The following TCF7L1 variants were observed in gnomAD, a reference collection of about 807,000 sequenced individuals.
TCF7L1 encodes the protein transcription factor 7 like 1.
In TCF7L1, 18 loss-of-function variants were observed where a neutral mutation model predicts 63.7. That is an observed-to-expected ratio of 0.28 (90% CI 0.20 to 0.42). The LOEUF is 0.42. Ranked by LOEUF, TCF7L1 falls within the 10% of genes least tolerant of loss-of-function variation. The pLI is 1.00. For missense variants in TCF7L1, 654 were observed against 779.3 expected (o/e 0.84, Z 1.91); for synonymous variants, 355 against 340.9 (o/e 1.04, Z -0.46).
chr2:85,252,874 T>C (rs557022507), intron 3 of TCF7L1, among the ~76,000 whole-genome samples: 24 of 152,260 alleles, frequency 1.6e-4, no homozygotes, highest in Admixed American at 1.3e-3. Flanking sequence ...GGATGGCAGC[T>C]CAAGGAAACA....
chr2:85,232,142 G>A (rs1680094224), intron 3 of TCF7L1, among the ~76,000 whole-genome samples: 1 of 152,184 alleles, frequency 6.6e-6, no homozygotes, highest in Non-Finnish European at 1.5e-5. Context: ...GGTCAGGGCT[G>A]AGTAGCTGCC....
intron 3 of TCF7L1, among the ~76,000 whole-genome samples, chr2:85,197,277 G>A (rs1287239027): frequency 2.0e-5 from 3 of 152,182 alleles, no homozygotes; most frequent in Non-Finnish European, 2.9e-5. Context: ...CAGGTGCGGT[G>A]GCAAACGCCT....
At chr2:85,308,973 GCCT>G in intron 11 of TCF7L1, 53 bp from the exon 12 acceptor site, 2 of 1,520,132 alleles carry the variant, frequency 1.3e-6, no homozygotes, top group Non-Finnish European at 8.8e-7. Context: ...CTGTTCCTCA[GCCT>G]CCTCCTCTCA....
intron 3 of TCF7L1, among the ~76,000 whole-genome samples, chr2:85,149,318 C>CAT (rs1677952934): frequency 1.1e-5 from 1 of 90,668 alleles, no homozygotes; most frequent in African/African-American, 4.2e-5. Flanking sequence ...TGTATATACA[C>CAT]ATATACACAT....
intron 3 of TCF7L1, among the ~76,000 whole-genome samples, chr2:85,162,182 G>C (rs6547596): frequency 0.099 from 15,079 of 152,040 alleles, 1,312 homozygotes; most frequent in African/African-American, 0.24. Flanking sequence ...CTGCAGTGAA[G>C]TATGATTACG....
At chr2:85,239,697 C>T (rs1680279685) in intron 3 of TCF7L1, among the ~76,000 whole-genome samples, 1 of 151,974 alleles carries the variant, frequency 6.6e-6, no homozygotes, top group Non-Finnish European at 1.5e-5. Flanking sequence ...AATCCAGGCA[C>T]CTTGGGAGGC....
intron 10 of TCF7L1, 44 bp from the exon 11 acceptor site, chr2:85,307,598 T>C (rs751530431): frequency 6.4e-7 from 1 of 1,569,374 alleles, no homozygotes; most frequent in Admixed American, 1.7e-5. Flanking sequence ...GAAGCCAGCA[T>C]TCTTCTCTCC....
intron 3 of TCF7L1, among the ~76,000 whole-genome samples, chr2:85,216,021 G>A (rs996929665): frequency 4.6e-5 from 7 of 152,020 alleles, no homozygotes; most frequent in Non-Finnish European, 1.0e-4. Context: ...GCTGGGCGGG[G>A]GACAATCTCC....
chr2:85,267,627 C>A (rs567592508), intron 3 of TCF7L1, among the ~76,000 whole-genome samples: 2 of 139,788 alleles, frequency 1.4e-5, no homozygotes, highest in Admixed American at 7.6e-5. Flanking sequence ...CCAACCTGGG[C>A]GACAGAGGAA....
chr2:85,203,839 G>A (rs1255104698), intron 3 of TCF7L1, among the ~76,000 whole-genome samples: 1 of 152,100 alleles, frequency 6.6e-6, no homozygotes, highest in Non-Finnish European at 1.5e-5. Context: ...AAACTTAAAA[G>A]ATACCTTTAA....
chr2:85,224,275 A>G (rs1679909368), intron 3 of TCF7L1, among the ~76,000 whole-genome samples: 1 of 152,224 alleles, frequency 6.6e-6, no homozygotes, highest in Admixed American at 6.5e-5. Context: ...TTATAGTAGC[A>G]TGATTTATAA....
intron 3 of TCF7L1, among the ~76,000 whole-genome samples, chr2:85,234,888 G>T (rs556218384): frequency 1.3e-5 from 2 of 152,318 alleles, no homozygotes; most frequent in African/African-American, 4.8e-5. Context: ...GGAGAGGGTT[G>T]CTGGGGATGG....
intron 3 of TCF7L1, among the ~76,000 whole-genome samples, chr2:85,155,792 C>T (rs1245615108): frequency 6.6e-6 from 1 of 151,972 alleles, no homozygotes; most frequent in East Asian, 1.9e-4. Context: ...GGGCCAGTTA[C>T]CCACCAGGCC....
At position 85,304,325 on chromosome 2, in the gene TCF7L1, G is replaced by T; in HGVS notation, c.832G>T (p.Ala278Ser). The T allele has an allele frequency of 6.2e-7, 1 of 1,613,850 alleles. No homozygotes were observed. Among genetic ancestry groups the T allele is most frequent in the Non-Finnish European group, 8.5e-7 (1 of 1,179,958 alleles). Residue 278 changes from alanine (A) to serine (S), a missense_variant, in exon 7 of 12, where the codon GCC becomes TCC. This residue lies in a region of TCF7L1 where 404 missense variants were observed against 454.8 expected (regional missense o/e 0.89). Transcript: ENST00000282111. ...RHPYPALAMN[A>S]SMSSLVSSRF... Reference sequence around the variant, plus strand: ...CCCTTACCCCGCCCTCGCCATGAACGCCTCGATGTCCAGGTGAGTCCCGGG... The same window carrying T: ...CCCTTACCCCGCCCTCGCCATGAACTCCTCGATGTCCAGGTGAGTCCCGGG...
chr2:85,168,113 C>T (rs1484944605), intron 3 of TCF7L1, among the ~76,000 whole-genome samples: 2 of 151,828 alleles, frequency 1.3e-5, no homozygotes, highest in African/African-American at 4.8e-5. Flanking sequence ...CTCCGCTGTA[C>T]AACATAGTGC....
intron 3 of TCF7L1, among the ~76,000 whole-genome samples, chr2:85,140,315 G>T (rs1246498825): frequency 6.6e-6 from 1 of 152,198 alleles, no homozygotes; most frequent in Non-Finnish European, 1.5e-5. Context: ...GACACGTTAG[G>T]TGTGAGGGGA....
At chr2:85,276,376 A>C (rs1167765417) in intron 3 of TCF7L1, among the ~76,000 whole-genome samples, 2 of 152,244 alleles carry the variant, frequency 1.3e-5, no homozygotes, top group Non-Finnish European at 2.9e-5. Flanking sequence ...TGTGAGAAGC[A>C]GGCGTTGCCC....
At position 85,304,255 on chromosome 2, in the gene TCF7L1, G is replaced by A. The variant is rs1211305453; in HGVS notation, c.762G>A (p.Gln254=). The A allele has an allele frequency of 1.2e-6, 2 of 1,612,486 alleles. No individual in the cohort carries two copies. The highest frequency in any genetic ancestry group is 2.2e-5 in the East Asian group (1 of 44,730). The change falls in exon 7 of 12, where the codon CAG becomes CAA. Residue 254 remains glutamine (Q), a splice_region_variant and synonymous_variant. Coordinates refer to ENST00000282111, the MANE Select transcript of TCF7L1 (RefSeq NM_031283.3). ...TGACCAGATTTCCTCCCCCTCACAG[G>A]CAAGGCCAGCCCATGTACTCCCTTC... ...IPHPLGWLVP[Q]QGQPMYSLPP... is the part of the protein sequence containing the mutation.
chr2:85,231,825 C>T (rs1007360614), intron 3 of TCF7L1, among the ~76,000 whole-genome samples: 3 of 152,046 alleles, frequency 2.0e-5, no homozygotes, highest in Non-Finnish European at 4.4e-5. Context: ...TTTTTTCTAG[C>T]GTAGTGTAGG....
Sources: gnomAD v4.1 joint callset for allele counts (sites outside exome capture counted in the v4.1 genomes callset) on GRCh38, gnomAD v4.1.1 for gene constraint, gnomAD v4.1.1 regional missense constraint, MANE v1.5 for transcripts, NCBI Gene and HGNC (gene_info 2026-07-23, HGNC 2026-07-21) for gene names.